The following VAV3 variants were observed in gnomAD, a reference collection of about 807,000 sequenced individuals.
VAV3 encodes the protein guanine nucleotide exchange factor VAV3.
In VAV3, 94 loss-of-function variants were observed where a neutral mutation model predicts 131.2. The observed-to-expected ratio is 0.72, with a 90% CI of 0.61 to 0.85. The LOEUF (loss-of-function observed/expected upper bound fraction) is 0.85. Among genes scored for constraint, VAV3 ranks in the 40% least tolerant of loss-of-function variants. VAV3 has a pLI of 0.00. For missense variants in VAV3, 939 were observed against 1,002.7 expected, an observed-to-expected ratio of 0.94 and a Z score of 0.86; for synonymous variants, 349 against 342.0, an observed-to-expected ratio of 1.02 and a Z score of -0.22.
In VAV3 at chr1:107,790,679, C is replaced by CTTTTT. The variant is rs145926469; in HGVS notation, c.322-11192_322-11188dup. 1.7e-4 allele frequency among the ~76,000 whole-genome samples: 12 copies of CTTTTT among 69,844 alleles called. 1 individual carries two copies. The highest frequency in any genetic ancestry group is 4.6e-4 in the African/African-American group (8 of 17,294). The allele number at this position is 69,844 out of a possible 152,430, so 45.8% of individuals were successfully genotyped here. A position where few individuals can be genotyped will look rare whatever the true frequency, so the allele number is the denominator to read the frequency against. Reference sequence around the variant, plus strand: ...CATCACTCCTTCCTTAAATGTCTTCCTTTTTTTTTTTTTTTTTTTTTTTTT... The same window carrying CTTTTT: ...CATCACTCCTTCCTTAAATGTCTTCCTTTTTTTTTTTTTTTTTTTTTTTTTTTTTT... On this transcript the variant is annotated intron_variant, in intron 2 of 26. Transcript: ENST00000370056.
At chr1:107,892,465 G>A (rs368777110) in intron 1 of VAV3, among the ~76,000 whole-genome samples, 6 of 152,126 alleles carry the variant, frequency 3.9e-5, no homozygotes, top group East Asian at 1.9e-4. Flanking sequence ...ACAAATGCAC[G>A]TATCACTGCC....
intron 25 of VAV3, among the ~76,000 whole-genome samples, chr1:107,595,463 T>C (rs1454986720): frequency 6.6e-6 from 1 of 152,168 alleles, no homozygotes; most frequent in Admixed American, 6.6e-5. Flanking sequence ...AATGAAATTG[T>C]ATTCACTTCT....
intron 15 of VAV3, among the ~76,000 whole-genome samples, chr1:107,743,457 A>G (rs1663142287): frequency 6.6e-6 from 1 of 152,210 alleles, no homozygotes; most frequent in Non-Finnish European, 1.5e-5. Context: ...GGTTAAAGGA[A>G]GAGATGATTT....
chr1:107,637,685 C>G (rs1655037465), intron 20 of VAV3, among the ~76,000 whole-genome samples: 1 of 152,134 alleles, frequency 6.6e-6, no homozygotes, highest in Admixed American at 6.6e-5. Flanking sequence ...AACTCTAGGC[C>G]TAGATAGCTT....
chr1:107,802,481 C>T (rs1344009838), intron 2 of VAV3, among the ~76,000 whole-genome samples: 1 of 151,984 alleles, frequency 6.6e-6, no homozygotes, highest in Non-Finnish European at 1.5e-5. Context: ...ATGGGTTTGT[C>T]ATATATGGCC....
chr1:107,748,849 C>T, intron 15 of VAV3, 119 bp downstream of exon 15: 1 of 779,068 alleles, frequency 1.3e-6, no homozygotes. Context: ...CAAAAACATT[C>T]CCGTCGCTGT....
chr1:107,889,132 A>AGTGTGTGTGTGTGTGTGT (rs5776903), intron 1 of VAV3, among the ~76,000 whole-genome samples: 164 of 142,036 alleles, frequency 1.2e-3, no homozygotes, highest in East Asian at 2.5e-3. Flanking sequence ...TCCTGTGTAG[A>AGTGTGTGTGTGTGTGTGT]GTGTGTGTGT....
intron 15 of VAV3, among the ~76,000 whole-genome samples, chr1:107,718,407 C>A (rs1443254302): frequency 1.3e-5 from 2 of 152,130 alleles, no homozygotes; most frequent in Non-Finnish European, 2.9e-5. Flanking sequence ...TTCCTATACA[C>A]CAATTACAGA....
At chr1:107,732,567 G>A (rs184785744) in intron 15 of VAV3, among the ~76,000 whole-genome samples, 8 of 152,306 alleles carry the variant, frequency 5.3e-5, no homozygotes, top group South Asian at 4.1e-4. Context: ...TATAACCCAC[G>A]CCTGGCTCAG....
At position 107,573,319 on chromosome 1, in the gene VAV3, C is replaced by A; in HGVS notation, c.*12G>T. ...GAAATTTTTGGTGCAGGGTGCAACACGGGATTTGAATTTATTCATCCTCTT... is the reference window on the plus strand; with the variant it reads ...GAAATTTTTGGTGCAGGGTGCAACAAGGGATTTGAATTTATTCATCCTCTT... On this transcript the variant is annotated 3_prime_UTR_variant, in exon 27 of 27. Transcript: ENST00000370056. The A allele has an allele frequency of 6.2e-7, 1 of 1,613,916 alleles. No individual in the cohort carries two copies.
chr1:107,619,771 GAAC>G (rs567766932), intron 20 of VAV3, among the ~76,000 whole-genome samples: 175 of 152,234 alleles, frequency 1.1e-3, no homozygotes, highest in African/African-American at 4.2e-3. Flanking sequence ...CTCTTCTTCA[GAAC>G]AACAACAAAA....
At chr1:107,689,422 C>A (rs983511702) in intron 17 of VAV3, among the ~76,000 whole-genome samples, 6 of 152,108 alleles carry the variant, frequency 3.9e-5, no homozygotes, top group Non-Finnish European at 7.4e-5. Context: ...TGCCAGGCCA[C>A]CTGACTAGCT....
chr1:107,757,230 TACAA>T, intron 11 of VAV3, 27 bp downstream of exon 11: 1 of 1,593,030 alleles, frequency 6.3e-7, no homozygotes, highest in Non-Finnish European at 8.6e-7. Flanking sequence ...GAATAAAAAA[TACAA>T]ACAAATTACT....
At chr1:107,849,907 G>A (rs1233905412) in intron 2 of VAV3, among the ~76,000 whole-genome samples, 1 of 152,080 alleles carries the variant, frequency 6.6e-6, no homozygotes, top group Non-Finnish European at 1.5e-5. Flanking sequence ...CAAAAAGTGT[G>A]CAAAGGATAT....
chr1:107,949,985 G>A (rs1674456108), intron 1 of VAV3, among the ~76,000 whole-genome samples: 1 of 152,174 alleles, frequency 6.6e-6, no homozygotes, highest in Non-Finnish European at 1.5e-5. Flanking sequence ...AAACAGGCTT[G>A]CAAAAATAAG....
At position 107,667,448 on chromosome 1, in the gene VAV3, T is replaced by G. The variant is rs1022164400; in HGVS notation, c.1777+16040A>C. Among the ~76,000 whole-genome samples the G allele has an allele frequency of 3.6e-4, 55 of 152,156 alleles. 1 individual carries two copies. The highest frequency in any genetic ancestry group is 8.5e-4 in the Admixed American group (13 of 15,280). ...GAGCATGCCTGTAATGGGGTAGCAA[T>G]GCAGGAAATATAATCCAACAATGTC... On this transcript the variant is annotated intron_variant, in intron 19 of 26. Coordinates refer to ENST00000370056, the MANE Select transcript of VAV3 (RefSeq NM_006113.5).
At chr1:107,704,713 C>T in intron 16 of VAV3, 63 bp from the exon 17 acceptor site, 1 of 1,361,206 alleles carries the variant, frequency 7.3e-7, no homozygotes, top group Non-Finnish European at 1.0e-6. Context: ...TATGAAATTA[C>T]TGCAAGAAGA....
chr1:107,766,594 CA>C, intron 7 of VAV3, 44 bp from the exon 8 acceptor site: 1 of 1,456,234 alleles, frequency 6.9e-7, no homozygotes, highest in Non-Finnish European at 9.6e-7. Flanking sequence ...GAATAACAAC[CA>C]AAAAATACAC....
chr1:107,892,579 T>A (rs1013039746), intron 1 of VAV3, among the ~76,000 whole-genome samples: 5 of 145,984 alleles, frequency 3.4e-5, no homozygotes, highest in African/African-American at 5.2e-5. Flanking sequence ...ATTTCATCTT[T>A]GCTACCTGAA....
Sources: allele counts gnomAD v4.1 joint callset (sites outside exome capture counted in the v4.1 genomes callset), GRCh38; gene constraint gnomAD v4.1.1; transcripts MANE v1.5; gene names NCBI Gene and HGNC (gene_info 2026-07-23, HGNC 2026-07-21).